SNX13: variants seen among roughly 807,000 people sequenced by gnomAD.
SNX13 encodes sorting nexin 13.
Under a neutral mutation model 133.6 loss-of-function variants are expected in SNX13, and 45 were observed. The ratio of observed to expected loss-of-function variants is 0.34; its 90% CI spans 0.27 to 0.43. The LOEUF is 0.43. Among genes scored for constraint, SNX13 ranks in the 20% least tolerant of loss-of-function variants. The probability of loss-of-function intolerance (pLI) is 1.00; values close to 1 mark genes in which losing one functional copy is unlikely to be tolerated. For synonymous variants in SNX13, 414 were observed against 373.9 expected (o/e 1.11, Z -1.24); for missense variants, 1,032 against 1,145.1 (o/e 0.90, Z 1.43).
chr7:17,910,521 G>C lies in SNX13; in HGVS notation c.13-13075C>G, dbSNP rs1265485247. ...ACAATCGGCAGTTTCTCAAAAAATT[G>C]AACACAGAATTATGATATGACTCAG... On this transcript the variant is annotated intron_variant, in intron 1 of 25. Coordinates refer to ENST00000428135, the MANE Select transcript of SNX13 (RefSeq NM_015132.5). 2.0e-5 allele frequency among the ~76,000 whole-genome samples: 3 copies of C among 152,106 alleles called. No homozygotes were observed. The South Asian group carries it at 6.2e-4, about 32-fold the overall frequency.
chr7:17,838,415 A>C (rs1789411222), intron 13 of SNX13, among the ~76,000 whole-genome samples: 1 of 151,654 alleles, frequency 6.6e-6, no homozygotes, highest in Non-Finnish European at 1.5e-5. Context: ...TATTGTTGAT[A>C]TTTTCAGAGA....
At chr7:17,823,754 A>C (rs1054038527) in intron 17 of SNX13, among the ~76,000 whole-genome samples, 1 of 152,204 alleles carries the variant, frequency 6.6e-6, no homozygotes, top group African/African-American at 2.4e-5. Context: ...CCATTTCTCA[A>C]TGGAGTTAGC....
chr7:17,802,286 G>A (rs759088281), intron 21 of SNX13, among the ~76,000 whole-genome samples: 5 of 152,028 alleles, frequency 3.3e-5, no homozygotes, highest in African/African-American at 1.2e-4. Context: ...ACATATCCCT[G>A]TTGTTAAGTG....
intron 18 of SNX13, among the ~76,000 whole-genome samples, chr7:17,820,077 G>A (rs112714908): frequency 7.0e-4 from 107 of 152,180 alleles, no homozygotes; most frequent in African/African-American, 2.5e-3. Context: ...TCAAAAGTAT[G>A]TTCTTCATTT....
At chr7:17,876,299 G>A (rs758590899) in intron 5 of SNX13, among the ~76,000 whole-genome samples, 4 of 152,170 alleles carry the variant, frequency 2.6e-5, no homozygotes, top group Non-Finnish European at 5.9e-5. Context: ...ACTTGGCCAT[G>A]GCCAGGCACA....
intron 1 of SNX13, among the ~76,000 whole-genome samples, chr7:17,916,162 G>A (rs1799539568): frequency 6.7e-6 from 1 of 149,936 alleles, no homozygotes; most frequent in African/African-American, 2.5e-5. Context: ...AAGAGGACTA[G>A]ACAGCACTAA....
rs191694421 is a variant in SNX13, at chr7:17,885,439, T to C, written c.440+4924A>G. Among the ~76,000 whole-genome samples, 559 of 152,326 alleles carry C rather than the reference T, an allele frequency of 3.7e-3. 5 individuals carry two copies. The highest frequency in any genetic ancestry group is 0.013 in the African/African-American group (534 of 41,578). On this transcript the variant is annotated intron_variant, in intron 5 of 25. Transcript: ENST00000428135. The stretch of plus-strand genomic sequence containing the variant: ...ATTGTGATGAAAGCTGTACAATGCT[T>C]AACTAAAGCTACTGACTTTAAGTGG...
intron 15 of SNX13, chr7:17,832,542 T>G: frequency 1.1e-6 from 1 of 935,060 alleles, no homozygotes; most frequent in Non-Finnish European, 1.3e-6. Context: ...CAAAAACTTT[T>G]ATAATAGTCA....
chr7:17,843,120 T>C (rs181150570), intron 12 of SNX13, among the ~76,000 whole-genome samples: 350 of 152,050 alleles, frequency 2.3e-3, no homozygotes, highest in African/African-American at 6.4e-3. Context: ...TTGATCAAAC[T>C]TTCTAATCAA....
chr7:17,912,567 C>T (rs1301271525), intron 1 of SNX13, among the ~76,000 whole-genome samples: 1 of 152,082 alleles, frequency 6.6e-6, no homozygotes, highest in African/African-American at 2.4e-5. Flanking sequence ...CCCACCACCA[C>T]ACCTGGCTAA....
At chr7:17,875,197 G>A (rs1794580157) in intron 7 of SNX13, among the ~76,000 whole-genome samples, 1 of 151,818 alleles carries the variant, frequency 6.6e-6, no homozygotes, top group African/African-American at 2.4e-5. Context: ...TGAACTCCTG[G>A]ACTCAAGCAA....
chr7:17,850,112 G>T lies in SNX13; in HGVS notation c.1065+235C>A, dbSNP rs1254597158. ...CAAGTAAATGTATAAATAAATCAAG[G>T]AATAAAATAAAATCTTCAATTACTT... On this transcript the variant is annotated intron_variant, in intron 11 of 25. Transcript: ENST00000428135. 2.0e-5 allele frequency among the ~76,000 whole-genome samples: 3 copies of T among 152,176 alleles called. No homozygotes were observed. The East Asian group carries it at 5.8e-4, about 29-fold the overall frequency.
intron 3 of SNX13, among the ~76,000 whole-genome samples, chr7:17,893,048 G>A (rs1479516993): frequency 6.6e-6 from 1 of 152,086 alleles, no homozygotes; most frequent in East Asian, 1.9e-4. Flanking sequence ...ATGATGCTTT[G>A]AAATACTATG....
intron 18 of SNX13, among the ~76,000 whole-genome samples, chr7:17,817,919 T>A (rs989693219): frequency 6.6e-6 from 1 of 152,162 alleles, no homozygotes; most frequent in South Asian, 2.1e-4. Flanking sequence ...GTTGAAGCCC[T>A]AACATTCAGT....
At chr7:17,917,699 T>C (rs1799710436) in intron 1 of SNX13, among the ~76,000 whole-genome samples, 1 of 151,690 alleles carries the variant, frequency 6.6e-6, no homozygotes, top group African/African-American at 2.4e-5. Flanking sequence ...GAAGAATCAA[T>C]ACTGTTAAAA....
At chr7:17,928,787 T>C (rs1380011881) in intron 1 of SNX13, among the ~76,000 whole-genome samples, 1 of 152,180 alleles carries the variant, frequency 6.6e-6, no homozygotes, top group Non-Finnish European at 1.5e-5. Flanking sequence ...ACTCTGACCC[T>C]GAAAATACTA....
intron 15 of SNX13, chr7:17,832,496 A>AC: frequency 1.0e-6 from 1 of 982,602 alleles, no homozygotes; most frequent in Non-Finnish European, 1.2e-6. Flanking sequence ...ACAAATACGA[A>AC]GAAATTTCTA....
intron 17 of SNX13, 45 bp from the exon 18 acceptor site, chr7:17,821,693 A>T: frequency 6.5e-7 from 1 of 1,533,510 alleles, no homozygotes; most frequent in South Asian, 1.3e-5. Context: ...TAATCATTTA[A>T]AACAAAATGA....
intron 1 of SNX13, among the ~76,000 whole-genome samples, chr7:17,911,309 T>TC (rs1162159280): frequency 1.3e-5 from 2 of 152,204 alleles, no homozygotes; most frequent in Non-Finnish European, 2.9e-5. Flanking sequence ...TACTTAACGT[T>TC]CTCAGCAACA....
Sources: gnomAD v4.1 joint callset for allele counts (sites outside exome capture counted in the v4.1 genomes callset) on GRCh38, gnomAD v4.1.1 for gene constraint, MANE v1.5 for transcripts, NCBI Gene and HGNC (gene_info 2026-07-23, HGNC 2026-07-21) for gene names.